The following NRG1 variants were observed in gnomAD, a reference collection of about 807,000 sequenced individuals.
NRG1 encodes pro-neuregulin-1, membrane-bound isoform.
A neutral mutation model predicts 63.8 loss-of-function variants in NRG1; 18 were observed. That is an observed-to-expected ratio of 0.28 (90% CI 0.19 to 0.42). The LOEUF is 0.42. Among genes scored for constraint, NRG1 ranks in the 10% least tolerant of loss-of-function variants. NRG1 has a pLI of 1.00. For missense variants in NRG1, 762 were observed against 814.7 expected (o/e 0.94, Z 0.79); for synonymous variants, 302 against 301.3 (o/e 1.00, Z -0.02).
At chr8:31,716,676 G>A (rs1812377593) in intron 1 of NRG1, among the ~76,000 whole-genome samples, 2 of 151,924 alleles carry the variant, frequency 1.3e-5, no homozygotes, top group Non-Finnish European at 2.9e-5. Context: ...TTTTTTCTCT[G>A]TATTTTTATG....
intron 1 of NRG1, among the ~76,000 whole-genome samples, chr8:32,434,553 G>A (rs1384757659): frequency 6.6e-6 from 1 of 152,162 alleles, no homozygotes; most frequent in East Asian, 1.9e-4. Flanking sequence ...ACCACTGGGA[G>A]TTACAGCCCT....
At chr8:31,702,469 AC>A (rs1209683844) in intron 1 of NRG1, among the ~76,000 whole-genome samples, 1 of 147,554 alleles carries the variant, frequency 6.8e-6, no homozygotes, top group Admixed American at 6.8e-5. Flanking sequence ...TTTTTTGCAG[AC>A]TTTTCAGGGG....
intron 1 of NRG1, among the ~76,000 whole-genome samples, chr8:31,678,549 C>T (rs1294469720): frequency 6.6e-5 from 10 of 151,720 alleles, no homozygotes; most frequent in Admixed American, 3.9e-4. Flanking sequence ...TCTTCACTTA[C>T]GCTTTTTCCA....
At chr8:32,168,098 TC>T (rs1839596232) in intron 1 of NRG1, among the ~76,000 whole-genome samples, 1 of 152,132 alleles carries the variant, frequency 6.6e-6, no homozygotes, top group Non-Finnish European at 1.5e-5. Context: ...GCTAACACAT[TC>T]AATAATCTGA....
At chr8:32,421,808 TTG>T (rs1250882606) in intron 1 of NRG1, among the ~76,000 whole-genome samples, 1 of 151,846 alleles carries the variant, frequency 6.6e-6, no homozygotes, top group Non-Finnish European at 1.5e-5. Flanking sequence ...TAAGCTGATT[TTG>T]TGTGTTTTTA....
At position 32,759,905 on chromosome 8, in the gene NRG1, G is replaced by A. The variant is rs376745185; in HGVS notation, c.1053-295G>A. Among the ~76,000 whole-genome samples, 9 of 152,216 alleles carry A rather than the reference G, an allele frequency of 5.9e-5. No individual in the cohort carries two copies. The East Asian group carries it at 1.7e-3, about 29-fold the overall frequency. ...ACAAGGAAATGTTTCTTTAATCTAA[G>A]CCACTCAAGAACAGAGAGATTATAA... is the stretch of plus-strand genomic sequence containing the variant. On this transcript the variant is annotated intron_variant, in intron 10 of 11. Coordinates refer to ENST00000356819, the Ensembl canonical transcript of NRG1.
At chr8:32,588,979 C>A in intron 1 of NRG1, among the ~76,000 whole-genome samples, 1 of 152,158 alleles carries the variant, frequency 6.6e-6, no homozygotes, top group East Asian at 1.9e-4. Flanking sequence ...GGGGTGAGCA[C>A]AACATCACCA....
intron 1 of NRG1, among the ~76,000 whole-genome samples, chr8:32,365,395 A>ATGCAAGTTG (rs1340108414): frequency 1.3e-5 from 2 of 151,892 alleles, no homozygotes; most frequent in Admixed American, 1.3e-4. Flanking sequence ...TATTTATTTA[A>ATGCAAGTTG]GATTTACGTA....
At chr8:31,717,725 A>G (rs1311333807) in intron 1 of NRG1, among the ~76,000 whole-genome samples, 1 of 151,954 alleles carries the variant, frequency 6.6e-6, no homozygotes, top group Non-Finnish European at 1.5e-5. Context: ...ATTTTCAGCG[A>G]TGCCTTTTTT....
At chr8:32,536,988 AT>A (rs1832052660) in intron 1 of NRG1, among the ~76,000 whole-genome samples, 1 of 148,310 alleles carries the variant, frequency 6.7e-6, no homozygotes, top group Non-Finnish European at 1.5e-5. Flanking sequence ...CACGCCTGTA[AT>A]CCCACCATTT....
chr8:31,639,437 C>T (rs1585330890), intron 1 of NRG1: 4 of 1,534,646 alleles, frequency 2.6e-6, no homozygotes, highest in Non-Finnish European at 2.6e-6. Flanking sequence ...CACAGGTAAA[C>T]AGGCTGGCGA....
rs138749369 is a variant in NRG1 at position 32,482,544 on chromosome 8, A to T, written c.38-113284A>T. On this transcript the variant is annotated intron_variant, in intron 1 of 10. Coordinates refer to the NRG1 transcript ENST00000519301. ...CCGGGCAGATCCAGGCTGGGATCTC[A>T]GTATCCCTGCTTCCCTGAAGCTGTC... 9.5e-4 allele frequency among the ~76,000 whole-genome samples: 145 copies of T among 152,252 alleles called. 1 individual carries two copies. Among genetic ancestry groups the T allele is most frequent in the Admixed American group, 3.2e-3 (49 of 15,296 alleles).
At chr8:32,647,621 G>C (rs370272852) in intron 5 of NRG1, 7 of 1,454,742 alleles carry the variant, frequency 4.8e-6, no homozygotes, top group Non-Finnish European at 6.3e-6. Context: ...ACGATTTATC[G>C]ATTTCCCCCT....
At chr8:32,757,207 T>C (rs1178271158) in intron 9 of NRG1, among the ~76,000 whole-genome samples, 1 of 152,222 alleles carries the variant, frequency 6.6e-6, no homozygotes, top group Non-Finnish European at 1.5e-5. Context: ...AACTAGATCA[T>C]AGAATATTAG....
chr8:32,092,712 C>T (rs1829359476), intron 1 of NRG1, among the ~76,000 whole-genome samples: 1 of 151,984 alleles, frequency 6.6e-6, no homozygotes, highest in Non-Finnish European at 1.5e-5. Context: ...GCAGGTGTGG[C>T]AGTGCACAGA....
chr8:32,665,524 G>T (rs537164214), intron 5 of NRG1, among the ~76,000 whole-genome samples: 1 of 152,216 alleles, frequency 6.6e-6, no homozygotes, highest in African/African-American at 2.4e-5. Flanking sequence ...ATTAATAATG[G>T]CATACTCAAT....
chr8:32,141,954 T>A lies in NRG1; in HGVS notation c.38-453874T>A, dbSNP rs536328850. On this transcript the variant is annotated intron_variant, in intron 1 of 10. Coordinates refer to the NRG1 transcript ENST00000519301. ...CCCACTGCAGGAGTTTTGCTAGTAA[T>A]CTTCAGCTCCGTGGGAAGCCTTTGG... is the stretch of plus-strand genomic sequence containing the variant. Among the ~76,000 whole-genome samples the A allele has an allele frequency of 4.3e-4, 65 of 152,138 alleles. 1 individual carries two copies. The highest frequency in any genetic ancestry group is 8.4e-4 in the Non-Finnish European group (57 of 68,032).
intron 1 of NRG1, among the ~76,000 whole-genome samples, chr8:32,219,967 G>A (rs1032848560): frequency 1.3e-5 from 2 of 152,146 alleles, no homozygotes; most frequent in Non-Finnish European, 2.9e-5. Context: ...ACCAAGAATA[G>A]AAGAGACACA....
intron 1 of NRG1, among the ~76,000 whole-genome samples, chr8:31,986,416 T>C (rs1810077500): frequency 6.6e-6 from 1 of 152,048 alleles, no homozygotes; most frequent in African/African-American, 2.4e-5. Flanking sequence ...AATCTGGGTG[T>C]TATTAGAGGC....
Sources: allele counts gnomAD v4.1 joint callset (sites outside exome capture counted in the v4.1 genomes callset), GRCh38; gene constraint gnomAD v4.1.1; transcripts MANE v1.5; gene names NCBI Gene and HGNC (gene_info 2026-07-23, HGNC 2026-07-21).